The following TFEC variants were observed in gnomAD, a reference collection of about 807,000 sequenced individuals.
The protein encoded by TFEC is class E basic helix-loop-helix protein 34.
TFEC carries 31 observed loss-of-function variants against 41.6 expected under a neutral mutation model. The ratio of observed to expected loss-of-function variants is 0.74; its 90% CI spans 0.56 to 1.01. TFEC has a LOEUF of 1.01. Ranked by LOEUF, TFEC falls within the 50% of genes least tolerant of loss-of-function variation. The pLI is 0.00. For synonymous variants in TFEC, 143 were observed against 140.6 expected (o/e 1.02, Z -0.12); for missense variants, 402 against 404.1 (o/e 0.99, Z 0.04).
intron 1 of TFEC, among the ~76,000 whole-genome samples, chr7:116,123,965 G>A (rs1223482675): frequency 1.3e-5 from 2 of 152,092 alleles, no homozygotes; most frequent in Non-Finnish European, 2.9e-5. Flanking sequence ...TATAGAAATG[G>A]ATAGATTAGA....
chr7:116,057,923 G>T, intron 3 of TFEC, among the ~76,000 whole-genome samples: 1 of 151,894 alleles, frequency 6.6e-6, no homozygotes, highest in East Asian at 1.9e-4. Context: ...CAATCATAAA[G>T]ATTTGTTTAC....
chr7:116,142,055 G>C (rs1325171360), intron 1 of TFEC, among the ~76,000 whole-genome samples: 2 of 152,196 alleles, frequency 1.3e-5, no homozygotes, highest in Non-Finnish European at 2.9e-5. Context: ...GGTTAAGCAA[G>C]AGAACACTGT....
chr7:116,112,167 T>C (rs895527796), intron 1 of TFEC: 4 of 287,488 alleles, frequency 1.4e-5, no homozygotes, highest in African/African-American at 2.3e-5. Context: ...ATAAGTTGCA[T>C]CTTATACACA....
At chr7:116,146,691 C>T (rs1233096363) in intron 1 of TFEC, among the ~76,000 whole-genome samples, 7 of 152,124 alleles carry the variant, frequency 4.6e-5, no homozygotes, top group African/African-American at 7.2e-5. Flanking sequence ...GAGATTGGCT[C>T]ACAGTGAAAA....
At chr7:115,988,972 A>G (rs954578198) in intron 1 of TFEC, among the ~76,000 whole-genome samples, 2 of 152,284 alleles carry the variant, frequency 1.3e-5, no homozygotes, top group African/African-American at 2.4e-5. Context: ...ATTGAGGGGG[A>G]AAAAACCCAC....
chr7:115,963,635 T>C (rs1351786710), intron 3 of TFEC, among the ~76,000 whole-genome samples: 1 of 151,790 alleles, frequency 6.6e-6, no homozygotes, highest in Non-Finnish European at 1.5e-5. Flanking sequence ...TTGAAAAAAT[T>C]ATGCTAAGTG....
At chr7:116,013,779 A>G (rs374019339) in intron 1 of TFEC, among the ~76,000 whole-genome samples, 45 of 152,254 alleles carry the variant, frequency 3.0e-4, no homozygotes, top group African/African-American at 1.1e-3. Context: ...GAATCAACTG[A>G]CCTCACTTTC....
intron 1 of TFEC, among the ~76,000 whole-genome samples, chr7:116,030,078 T>C (rs1242176109): frequency 6.6e-6 from 1 of 152,006 alleles, no homozygotes; most frequent in Non-Finnish European, 1.5e-5. Context: ...AAAAAGGTTG[T>C]TGCATTGGGA....
intron 1 of TFEC, among the ~76,000 whole-genome samples, chr7:116,006,511 T>C (rs768957956): frequency 6.6e-6 from 1 of 152,180 alleles, no homozygotes; most frequent in Non-Finnish European, 1.5e-5. Flanking sequence ...GTTTCTCCCA[T>C]TTGGAATGGC....
intron 3 of TFEC, among the ~76,000 whole-genome samples, chr7:116,071,249 T>G (rs974810752): frequency 3.3e-5 from 5 of 151,070 alleles, no homozygotes; most frequent in Admixed American, 2.6e-4. Flanking sequence ...TCTCTGAACT[T>G]AAGCTTACCC....
intron 3 of TFEC, among the ~76,000 whole-genome samples, chr7:116,074,841 C>T (rs923524998): frequency 6.6e-6 from 1 of 152,092 alleles, no homozygotes; most frequent in African/African-American, 2.4e-5. Context: ...GCGTTATTCA[C>T]AATAGCAAAA....
intron 1 of TFEC, among the ~76,000 whole-genome samples, chr7:116,128,697 A>G (rs139655731): frequency 6.6e-6 from 1 of 152,234 alleles, no homozygotes; most frequent in Non-Finnish European, 1.5e-5. Flanking sequence ...TAGATATTTG[A>G]CTGCCTCAGT....
chr7:115,942,062 T>G (rs748983429), intron 6 of TFEC, 22 bp from the exon 7 acceptor site: 1 of 1,588,874 alleles, frequency 6.3e-7, no homozygotes, highest in Non-Finnish European at 8.6e-7. Context: ...AGAGATAACC[T>G]TTTCACAATT....
chr7:115,971,352 T>C (rs755436287), intron 3 of TFEC, among the ~76,000 whole-genome samples: 6 of 151,798 alleles, frequency 4.0e-5, no homozygotes, highest in Non-Finnish European at 8.8e-5. Context: ...AATCCTGATA[T>C]AATTGGCTTA....
chr7:116,155,527 C>T (rs973697592), intron 1 of TFEC, among the ~76,000 whole-genome samples: 3 of 152,108 alleles, frequency 2.0e-5, no homozygotes, highest in Non-Finnish European at 2.9e-5. Context: ...TAAACTCAGG[C>T]ACATTTTGCT....
chr7:116,048,324 C>T lies in TFEC; in HGVS notation c.198+62384G>A, dbSNP rs551450137. Among the ~76,000 whole-genome samples, 50 of 152,332 alleles carry T rather than the reference C, an allele frequency of 3.3e-4. 1 individual carries two copies. The South Asian group carries it at 7.7e-3, about 23-fold the overall frequency. ...GCTGAAAACCATGGCACCAGAACTA[C>T]GTGTTGCACACACAAGCTTCAGTAA... On this transcript the variant is annotated intron_variant, in intron 3 of 8. Transcript: ENST00000484212.
At position 116,110,178 on chromosome 7, in the gene TFEC, A is replaced by T. The variant is rs1320598801; in HGVS notation, c.198+530T>A. On this transcript the variant is annotated intron_variant, in intron 3 of 8. Transcript: ENST00000484212. ...CAACATGGCACATGTATACATATGT[A>T]ACAAACCTGCACATTGTGCACATGT... Among the ~76,000 whole-genome samples, 7 of 152,330 alleles carry T rather than the reference A, an allele frequency of 4.6e-5. No individual in the cohort carries two copies. In the South Asian group the frequency reaches 1.4e-3, roughly 32 times the overall value.
intron 3 of TFEC, among the ~76,000 whole-genome samples, chr7:116,061,448 A>G (rs1208185500): frequency 6.6e-6 from 1 of 152,194 alleles, no homozygotes; most frequent in Non-Finnish European, 1.5e-5. Context: ...ATATACAGAA[A>G]TTAACTCAAA....
At chr7:116,076,716 AC>A (rs1796968798) in intron 3 of TFEC, among the ~76,000 whole-genome samples, 1 of 151,896 alleles carries the variant, frequency 6.6e-6, no homozygotes, top group African/African-American at 2.4e-5. Context: ...ACCCAGTCCA[AC>A]AAAGACAAAG....
Sources: gnomAD v4.1 joint callset for allele counts (sites outside exome capture counted in the v4.1 genomes callset) on GRCh38, gnomAD v4.1.1 for gene constraint, MANE v1.5 for transcripts, NCBI Gene and HGNC (gene_info 2026-07-23, HGNC 2026-07-21) for gene names.